Variants in CAST observed in about 807,000 individuals in gnomAD.
CAST encodes MIR583 host.
CAST carries 76 observed loss-of-function variants against 119.6 expected under a neutral mutation model. The observed-to-expected ratio is 0.64, with a 90% CI of 0.53 to 0.77. The LOEUF (loss-of-function observed/expected upper bound fraction) is 0.77. Among genes scored for constraint, CAST ranks in the 30% least tolerant of loss-of-function variants. CAST has a pLI of 0.00. For synonymous variants in CAST, 319 were observed against 331.6 expected (o/e 0.96, Z 0.41); for missense variants, 953 against 946.5 (o/e 1.01, Z -0.09).
chr5:96,646,621 A>G (rs1262509599), intron 1 of CAST, among the ~76,000 whole-genome samples: 1 of 152,240 alleles, frequency 6.6e-6, no homozygotes, highest in Non-Finnish European at 1.5e-5. Flanking sequence ...TGGAATTAAA[A>G]TATTAAAAAA....
At chr5:96,562,354 A>C (rs1228884716) in intron 1 of CAST, among the ~76,000 whole-genome samples, 3 of 152,218 alleles carry the variant, frequency 2.0e-5, no homozygotes, top group East Asian at 3.8e-4. Context: ...AGAACAATAC[A>C]AATGCCTCTT....
At chr5:96,441,373 A>G in the CAST span, among the ~76,000 whole-genome samples, 1 of 151,706 alleles carries the variant, frequency 6.6e-6, no homozygotes, top group Non-Finnish European at 1.5e-5. Context: ...TTCCCAATTG[A>G]CTTTTCCCAT....
At chr5:96,757,914 C>T (rs1460374654) in intron 24 of CAST, among the ~76,000 whole-genome samples, 2 of 151,996 alleles carry the variant, frequency 1.3e-5, no homozygotes. Flanking sequence ...TGGTGTCAGT[C>T]TCCTAACCTC....
chr5:96,283,992 G>A, the CAST span, among the ~76,000 whole-genome samples: 1,849 of 152,228 alleles, frequency 0.012, 33 homozygotes, highest in African/African-American at 0.042. Context: ...CCATTGGACT[G>A]GGGTAGGGAT....
chr5:96,487,287 C>T, the CAST span, among the ~76,000 whole-genome samples: 264 of 152,290 alleles, frequency 1.7e-3, no homozygotes, highest in African/African-American at 6.1e-3. Context: ...GTAATATTTC[C>T]AAGACTCTCC....
the CAST span, chr5:95,962,077 G>T: frequency 2.5e-6 from 1 of 396,054 alleles, no homozygotes; most frequent in East Asian, 3.6e-5. Context: ...ACTTAATCAT[G>T]TCTGACGTCA....
chr5:96,026,086 A>T, the CAST span, among the ~76,000 whole-genome samples: 1 of 152,138 alleles, frequency 6.6e-6, no homozygotes, highest in Non-Finnish European at 1.5e-5. Context: ...TAAATTAAAA[A>T]ATTAGCCAGG....
chr5:96,244,688 TC>T, the CAST span, among the ~76,000 whole-genome samples: 1 of 152,236 alleles, frequency 6.6e-6, no homozygotes, highest in Admixed American at 6.5e-5. Flanking sequence ...CCAGCCCAGT[TC>T]TGCTCACTAC....
intron 1 of CAST, among the ~76,000 whole-genome samples, chr5:96,547,637 C>T (rs1333219826): frequency 6.6e-6 from 1 of 152,176 alleles, no homozygotes; most frequent in Non-Finnish European, 1.5e-5. Flanking sequence ...ACTTTTAACT[C>T]GGAGTAGTTG....
the CAST span, among the ~76,000 whole-genome samples, chr5:96,365,279 G>C: frequency 6.6e-6 from 1 of 152,190 alleles, no homozygotes; most frequent in Non-Finnish European, 1.5e-5. Flanking sequence ...GTGATGTGGT[G>C]CTGAGAAGAA....
the CAST span, among the ~76,000 whole-genome samples, chr5:96,305,872 T>A: frequency 6.6e-6 from 1 of 152,236 alleles, no homozygotes; most frequent in South Asian, 2.1e-4. Context: ...TTATTGAGGA[T>A]TTTCACATCA....
intron 15 of CAST, 73 bp from the exon 16 acceptor site, chr5:96,742,582 A>T: frequency 2.1e-6 from 2 of 960,734 alleles, no homozygotes; most frequent in Non-Finnish European, 3.3e-6. Context: ...AATGTATTTT[A>T]CAAAGAAGTA....
At chr5:96,418,058 A>G in the CAST span, among the ~76,000 whole-genome samples, 4 of 152,236 alleles carry the variant, frequency 2.6e-5, no homozygotes, top group Admixed American at 1.3e-4. Context: ...GTCCTAAAAA[A>G]TGATGCAGTG....
chr5:96,452,585 T>C, the CAST span, among the ~76,000 whole-genome samples: 1 of 139,852 alleles, frequency 7.2e-6, no homozygotes, highest in East Asian at 2.1e-4. Context: ...GGCACATGTA[T>C]ACCTAGGTTA....
chr5:96,644,934 C>T (rs1026962051), intron 1 of CAST, among the ~76,000 whole-genome samples: 3 of 152,164 alleles, frequency 2.0e-5, no homozygotes, highest in Admixed American at 2.0e-4. Flanking sequence ...CAAGATCGGG[C>T]CACTGCACTC....
upstream of CAST, among the ~76,000 whole-genome samples, chr5:96,527,342 AAAAG>A (rs1452716525): frequency 3.3e-5 from 5 of 152,186 alleles, no homozygotes; most frequent in African/African-American, 1.2e-4. Flanking sequence ...TTTAGGAACA[AAAAG>A]AAGGCAGCTT....
chr5:96,486,498 A>G, the CAST span, among the ~76,000 whole-genome samples: 1 of 152,166 alleles, frequency 6.6e-6, no homozygotes, highest in African/African-American at 2.4e-5. Flanking sequence ...CAAACCCTGC[A>G]TGAGCCTAGA....
chr5:96,756,921 G>A (rs1766445651), intron 22 of CAST, among the ~76,000 whole-genome samples: 1 of 152,222 alleles, frequency 6.6e-6, no homozygotes, highest in Non-Finnish European at 1.5e-5. Context: ...TTCACTGACA[G>A]GTTAAACTCC....
chr5:96,427,989 A>C, the CAST span, among the ~76,000 whole-genome samples: 7 of 152,158 alleles, frequency 4.6e-5, no homozygotes, highest in Admixed American at 3.9e-4. Flanking sequence ...ATAACTTGAC[A>C]AAAAAGAGCT....
Sources: allele counts gnomAD v4.1 joint callset (sites outside exome capture counted in the v4.1 genomes callset), GRCh38; gene constraint gnomAD v4.1.1; transcripts MANE v1.5; gene names NCBI Gene and HGNC (gene_info 2026-07-23, HGNC 2026-07-21).